Variants in RNF125 observed in about 807,000 individuals in gnomAD.
The protein encoded by RNF125 is ring finger protein 125.
A neutral mutation model predicts 26.0 loss-of-function variants in RNF125; 21 were observed. The observed-to-expected ratio is 0.81, with a 90% CI of 0.57 to 1.16. The LOEUF (loss-of-function observed/expected upper bound fraction) is 1.16. Among genes scored for constraint, RNF125 ranks in the 50% most tolerant of loss-of-function variants. RNF125 has a pLI of 0.00. For synonymous variants in RNF125, 95 were observed against 109.2 expected (o/e 0.87, Z 0.81); for missense variants, 270 against 299.4 (o/e 0.90, Z 0.72).
chr18:32,030,921 C>G (rs2039087264), intron 1 of RNF125: 1 of 152,110 alleles, frequency 6.6e-6, no homozygotes, highest in Non-Finnish European at 1.5e-5. Flanking sequence ...AAGCTGGACT[C>G]AAACTCCTGG....
chr18:32,065,058 T>C (rs1332825254), intron 4 of RNF125, among the ~76,000 whole-genome samples: 1 of 152,262 alleles, frequency 6.6e-6, no homozygotes, highest in Non-Finnish European at 1.5e-5. Context: ...GTTATATTGT[T>C]ATGTATGCAT....
chr18:32,062,013 T>C (rs2039439721), intron 4 of RNF125, among the ~76,000 whole-genome samples: 1 of 152,208 alleles, frequency 6.6e-6, no homozygotes, highest in African/African-American at 2.4e-5. Flanking sequence ...CCCCAACTCT[T>C]CAAGGACAGG....
At chr18:32,042,469 T>C (rs2039230965) in intron 3 of RNF125, among the ~76,000 whole-genome samples, 196 bp downstream of exon 3, 2 of 152,196 alleles carry the variant, frequency 1.3e-5, no homozygotes, top group Admixed American at 1.3e-4. Flanking sequence ...ACTTTAAAAA[T>C]TTCCAGGGGT....
At chr18:32,056,621 C>CAA (rs58384246) in intron 4 of RNF125, among the ~76,000 whole-genome samples, 63 of 95,278 alleles carry the variant, frequency 6.6e-4, no homozygotes, top group African/African-American at 2.1e-3. Flanking sequence ...AACTCCGTCT[C>CAA]AAAAAAAAAA....
chr18:32,079,384 T>A, the RNF125 span, among the ~76,000 whole-genome samples: 1 of 152,208 alleles, frequency 6.6e-6, no homozygotes, highest in Non-Finnish European at 1.5e-5. Context: ...ACATATGAAT[T>A]TTGGAAGACA....
chr18:32,041,024 C>T (rs1263691346), intron 2 of RNF125, among the ~76,000 whole-genome samples: 6 of 152,140 alleles, frequency 3.9e-5, no homozygotes, highest in Admixed American at 2.6e-4. Flanking sequence ...TTCCTTGACA[C>T]GGCAGATTTC....
chr18:32,039,266 A>G (rs1476797701), intron 2 of RNF125, among the ~76,000 whole-genome samples: 3 of 151,862 alleles, frequency 2.0e-5, no homozygotes, highest in East Asian at 2.0e-4. Flanking sequence ...GCATAGTGGT[A>G]TACGCCTGTA....
intron 4 of RNF125, among the ~76,000 whole-genome samples, chr18:32,055,425 A>G (rs2039371026): frequency 6.6e-6 from 1 of 152,146 alleles, no homozygotes; most frequent in Non-Finnish European, 1.5e-5. Context: ...GTAATTTAGA[A>G]AGGAAGGAGG....
intron 1 of RNF125, among the ~76,000 whole-genome samples, chr18:32,021,858 A>T (rs1167673366): frequency 6.6e-6 from 1 of 152,200 alleles, no homozygotes; most frequent in Non-Finnish European, 1.5e-5. Context: ...TAGCAACTGG[A>T]AAAATAGTCA....
At chr18:32,032,025 A>G (rs1297292810) in intron 1 of RNF125, among the ~76,000 whole-genome samples, 1 of 151,248 alleles carries the variant, frequency 6.6e-6, no homozygotes, top group African/African-American at 2.4e-5. Flanking sequence ...TCAGCTTCCC[A>G]AGTAGCTGAG....
At chr18:32,027,014 C>A (rs1357982214) in intron 1 of RNF125, among the ~76,000 whole-genome samples, 4 of 152,214 alleles carry the variant, frequency 2.6e-5, no homozygotes, top group Admixed American at 2.0e-4. Flanking sequence ...GGATGAGAGG[C>A]TTACAGAATG....
downstream of RNF125, chr18:32,075,743 T>A: frequency 4.4e-6 from 2 of 451,962 alleles, no homozygotes; most frequent in Non-Finnish European, 8.0e-6. Context: ...GTTGGAGAGA[T>A]CTTTAAAAGC....
chr18:32,058,567 A>G (rs1316466903), intron 4 of RNF125, among the ~76,000 whole-genome samples: 1 of 152,090 alleles, frequency 6.6e-6, no homozygotes, highest in African/African-American at 2.4e-5. Context: ...GCTGGTCTCA[A>G]ACTCCTGACC....
At chr18:32,052,193 C>G (rs141176917) in intron 4 of RNF125, among the ~76,000 whole-genome samples, 2 of 151,978 alleles carry the variant, frequency 1.3e-5, no homozygotes, top group African/African-American at 4.8e-5. Flanking sequence ...AAAAAAATCT[C>G]CAATAGATTT....
intron 1 of RNF125, among the ~76,000 whole-genome samples, chr18:32,032,257 T>C (rs1382279469): frequency 6.6e-6 from 1 of 151,656 alleles, no homozygotes. Context: ...TTGGTATTTT[T>C]AGTAGAGATG....
Position 32,051,697 on chromosome 18 carries a change from T to TC in RNF125, c.504+5965_504+5966insC, listed in dbSNP as rs1241071719. Among the ~76,000 whole-genome samples the TC allele has an allele frequency of 1.7e-3, 240 of 141,510 alleles. 5 individuals are homozygous for TC. The highest frequency in any genetic ancestry group is 6.6e-3 in the African/African-American group (223 of 33,954). 92.8% of individuals were successfully genotyped at this position (141,510 alleles called of 152,430 possible). A position where few individuals can be genotyped will look rare whatever the true frequency, so the allele number is the denominator to read the frequency against. ...CAGTGAGTTCTATATTTTCTTTCTT[T>TC]TTTTTTTTTTTTGTTTGAGATAGAG... On this transcript the variant is annotated intron_variant, in intron 4 of 5. Transcript: ENST00000217740.
chr18:32,066,522 T>G (rs2039487044), intron 5 of RNF125, among the ~76,000 whole-genome samples: 1 of 152,180 alleles, frequency 6.6e-6, no homozygotes, highest in South Asian at 2.1e-4. Context: ...GATTGTCATT[T>G]GAGAATTTTC....
the RNF125 span, among the ~76,000 whole-genome samples, chr18:32,087,428 G>A: frequency 1.3e-5 from 2 of 151,808 alleles, no homozygotes. Flanking sequence ...CTGGGGGTAT[G>A]GAAGCCAGTC....
At chr18:32,027,821 G>A (rs992757373) in intron 1 of RNF125, among the ~76,000 whole-genome samples, 3 of 152,016 alleles carry the variant, frequency 2.0e-5, no homozygotes, top group Admixed American at 6.6e-5. Flanking sequence ...GGGCGTGGGA[G>A]TCATACAAAA....
Sources: gnomAD v4.1 joint callset for allele counts (sites outside exome capture counted in the v4.1 genomes callset) on GRCh38, gnomAD v4.1.1 for gene constraint, MANE v1.5 for transcripts, NCBI Gene and HGNC (gene_info 2026-07-23, HGNC 2026-07-21) for gene names.